Variants in RASAL2 observed in about 807,000 individuals in gnomAD.
RASAL2 encodes the protein RAS protein activator like 2, also known as ras GTPase-activating protein nGAP.
A neutral mutation model predicts 128.9 loss-of-function variants in RASAL2; 58 were observed. The ratio of observed to expected loss-of-function variants is 0.45; its 90% CI spans 0.36 to 0.56. The LOEUF is 0.56. Ranked by LOEUF, RASAL2 falls within the 20% of genes least tolerant of loss-of-function variation. The pLI is 0.00. For synonymous variants in RASAL2, 561 were observed against 580.8 expected (o/e 0.97, Z 0.49); for missense variants, 1,360 against 1,601.6 (o/e 0.85, Z 2.57).
intron 1 of RASAL2, chr1:178,125,277 A>G (rs1253498337): frequency 6.6e-6 from 1 of 152,170 alleles, no homozygotes; most frequent in Non-Finnish European, 1.5e-5. Context: ...GTTGCTGAGA[A>G]TATATTTTAC....
chr1:178,229,802 GT>G (rs1663928805), intron 1 of RASAL2, among the ~76,000 whole-genome samples: 8 of 152,188 alleles, frequency 5.3e-5, no homozygotes, highest in Admixed American at 3.3e-4. Context: ...GTTGCTTTTA[GT>G]TTTCAAGGTA....
chr1:178,107,599 A>C (rs1441310586), intron 1 of RASAL2, among the ~76,000 whole-genome samples: 3 of 152,108 alleles, frequency 2.0e-5, no homozygotes, highest in Non-Finnish European at 4.4e-5. Context: ...ATCATCTTCA[A>C]ACTTCCCATT....
At chr1:178,210,736 A>G (rs1002734198) in intron 1 of RASAL2, among the ~76,000 whole-genome samples, 27 of 152,232 alleles carry the variant, frequency 1.8e-4, no homozygotes, top group African/African-American at 6.3e-4. Context: ...GAAAGTTTAG[A>G]TAAAGATCTG....
chr1:178,133,029 T>C (rs1433241491), intron 1 of RASAL2, among the ~76,000 whole-genome samples: 1 of 152,136 alleles, frequency 6.6e-6, no homozygotes, highest in African/African-American at 2.4e-5. Flanking sequence ...CCTCCCAAAG[T>C]GCTGGGATTA....
intron 1 of RASAL2, among the ~76,000 whole-genome samples, chr1:178,280,682 G>A (rs1015285026): frequency 5.3e-5 from 8 of 152,016 alleles, no homozygotes; most frequent in Admixed American, 5.2e-4. Context: ...TTTAATTTTT[G>A]TAATGAGGCC....
chr1:178,237,553 A>G (rs1217872040), intron 1 of RASAL2, among the ~76,000 whole-genome samples: 1 of 152,218 alleles, frequency 6.6e-6, no homozygotes, highest in Non-Finnish European at 1.5e-5. Flanking sequence ...TTACGAGTAT[A>G]GACTTGGAGT....
At chr1:178,170,404 G>C (rs1353951220) in intron 1 of RASAL2, among the ~76,000 whole-genome samples, 1 of 151,538 alleles carries the variant, frequency 6.6e-6, no homozygotes, top group African/African-American at 2.4e-5. Flanking sequence ...TGCTAATGTG[G>C]GAAGAGCTAA....
intron 1 of RASAL2, among the ~76,000 whole-genome samples, chr1:178,147,914 AC>A (rs1660785068): frequency 6.6e-6 from 1 of 152,028 alleles, no homozygotes. Context: ...CACTAAAAAT[AC>A]AAAAAATTAG....
chr1:178,096,530 T>G (rs1436844924), intron 1 of RASAL2, among the ~76,000 whole-genome samples: 1 of 151,918 alleles, frequency 6.6e-6, no homozygotes, highest in Admixed American at 6.6e-5. Flanking sequence ...TATGTTTTTT[T>G]TCTTTCGTCC....
chr1:178,401,193 C>A (rs1391637328), intron 4 of RASAL2, among the ~76,000 whole-genome samples: 1 of 152,038 alleles, frequency 6.6e-6, no homozygotes, highest in Non-Finnish European at 1.5e-5. Context: ...TCTTGATTAC[C>A]CAAAGTATGC....
At chr1:178,346,274 C>A (rs1260479127) in intron 3 of RASAL2, among the ~76,000 whole-genome samples, 1 of 151,940 alleles carries the variant, frequency 6.6e-6, no homozygotes, top group African/African-American at 2.4e-5. Context: ...TCGTGGCATG[C>A]ACCTCTAGTC....
At position 178,458,230 on chromosome 1, in the gene RASAL2, A is replaced by G; in HGVS notation, c.2938A>G (p.Thr980Ala). The G allele has an allele frequency of 3.7e-6, 6 of 1,614,258 alleles. No homozygotes were observed. The highest frequency in any genetic ancestry group is 1.3e-5 in the African/African-American group (1 of 75,070). Residue 980 changes from threonine to alanine, a missense_variant, in exon 14 of 18, where the codon ACT becomes GCT. Transcript: ENST00000367649. The part of the protein sequence containing the change: ...SSMEDFTKRS[T>A]QSEDFSRRHT... ...CATGGAAGATTTCACTAAACGTAGC[A>G]CTCAGAGTGAGGACTTCTCCAGGCG...
chr1:178,131,400 T>TTG (rs1660112183), intron 1 of RASAL2, among the ~76,000 whole-genome samples: 1 of 148,464 alleles, frequency 6.7e-6, no homozygotes, highest in Non-Finnish European at 1.5e-5. Context: ...TTTTTTTTTT[T>TTG]TGTGGAGACA....
At chr1:178,443,296 A>T in intron 8 of RASAL2, 67 bp downstream of exon 8, 1 of 1,369,386 alleles carries the variant, frequency 7.3e-7, no homozygotes, top group Non-Finnish European at 9.9e-7. Flanking sequence ...CAAGATATGG[A>T]TATTGTAGAA....
chr1:178,116,749 A>G (rs1023416037), intron 1 of RASAL2, among the ~76,000 whole-genome samples: 3 of 152,080 alleles, frequency 2.0e-5, no homozygotes, highest in African/African-American at 7.2e-5. Context: ...AACTGGGATT[A>G]CATGCACCCA....
intron 5 of RASAL2, among the ~76,000 whole-genome samples, chr1:178,437,687 A>C (rs113787616): frequency 6.6e-6 from 1 of 152,114 alleles, no homozygotes. Flanking sequence ...TGTTTAAGAA[A>C]GATTACAGTG....
chr1:178,330,871 C>T (rs1432080699), intron 3 of RASAL2, among the ~76,000 whole-genome samples: 1 of 152,086 alleles, frequency 6.6e-6, no homozygotes, highest in Non-Finnish European at 1.5e-5. Flanking sequence ...GTGCCTCTCC[C>T]CCGGAATACT....
intron 5 of RASAL2, among the ~76,000 whole-genome samples, chr1:178,437,584 T>G (rs1357756226): frequency 1.3e-5 from 2 of 152,142 alleles, no homozygotes; most frequent in Non-Finnish European, 1.5e-5. Context: ...AAACATGCCT[T>G]AATCTTTCCT....
At position 178,257,423 on chromosome 1, in the gene RASAL2, A is replaced by ATGTGTGTGTGTGTGTGTGTGTGTG. The variant is rs71108037; in HGVS notation, c.203-26131_203-26108dup. 2.0e-4 allele frequency among the ~76,000 whole-genome samples: 30 copies of ATGTGTGTGTGTGTGTGTGTGTGTG among 147,242 alleles called. No individual in the cohort carries two copies. The East Asian group carries it at 2.2e-3, about 11-fold the overall frequency. On this transcript the variant is annotated intron_variant, in intron 1 of 17. Transcript: ENST00000367649. Reference sequence around the variant, plus strand: ...GACAGTGTGGTGCTGGCTCAGGGATATGTGTGTGTGTGTGTGTGTGTGTGT... The same window carrying ATGTGTGTGTGTGTGTGTGTGTGTG: ...GACAGTGTGGTGCTGGCTCAGGGATATGTGTGTGTGTGTGTGTGTGTGTGTGTGTGTGTGTGTGTGTGTGTGTGT...
Sources: allele counts gnomAD v4.1 joint callset (sites outside exome capture counted in the v4.1 genomes callset), GRCh38; gene constraint gnomAD v4.1.1; transcripts MANE v1.5; gene names NCBI Gene and HGNC (gene_info 2026-07-23, HGNC 2026-07-21).